The following NHSL1 variants were observed in gnomAD, a reference collection of about 807,000 sequenced individuals.
NHSL1 encodes NHS like 1.
NHSL1 carries 48 observed loss-of-function variants against 95.0 expected under a neutral mutation model. The observed-to-expected ratio is 0.51, with a 90% CI of 0.40 to 0.64. The LOEUF (loss-of-function observed/expected upper bound fraction) is 0.64. NHSL1 is among the 30% of genes least tolerant of loss of function. The pLI is 0.00. For missense variants in NHSL1, 1,971 were observed against 2,077.7 expected (o/e 0.95, Z 1.00); for synonymous variants, 783 against 833.9 (o/e 0.94, Z 1.05).
chr6:138,483,064 G>A (rs766380865), intron 2 of NHSL1, among the ~76,000 whole-genome samples: 26 of 152,316 alleles, frequency 1.7e-4, no homozygotes, highest in South Asian at 6.2e-4. Context: ...GAGCCACACC[G>A]TGAGAAAACT....
rs1784050039 is a variant in NHSL1, at chr6:138,581,191, T to C, written c.97-84820A>G. Among the ~76,000 whole-genome samples the C allele has an allele frequency of 2.6e-5, 4 of 152,236 alleles. No individual in the cohort carries two copies. In the South Asian group the frequency reaches 8.3e-4, roughly 31 times the overall value. ...GGAAACTGATGCAGTGGAGTACCAA[T>C]GGGAGTTTTGCAACCTGCTCTATCT... is the stretch of plus-strand genomic sequence containing the variant. On this transcript the variant is annotated intron_variant, in intron 1 of 3. Transcript: ENST00000491526.
chr6:138,478,236 C>T (rs1396903456), intron 2 of NHSL1, among the ~76,000 whole-genome samples: 5 of 151,744 alleles, frequency 3.3e-5, no homozygotes, highest in Non-Finnish European at 5.9e-5. Flanking sequence ...CTGCCTTGGC[C>T]TCCCAAAGTG....
chr6:138,533,301 C>A (rs905534881), intron 1 of NHSL1, among the ~76,000 whole-genome samples: 19 of 152,156 alleles, frequency 1.2e-4, no homozygotes, highest in Non-Finnish European at 2.5e-4. Context: ...TGGTGGCTCA[C>A]GCCTGTAATC....
intron 1 of NHSL1, among the ~76,000 whole-genome samples, chr6:138,645,809 A>G (rs1330697770): frequency 2.6e-5 from 4 of 152,100 alleles, no homozygotes; most frequent in Non-Finnish European, 5.9e-5. Flanking sequence ...CCTGGCCTGT[A>G]GTGTTTTTTC....
rs544648068 is a variant in NHSL1 at position 138,598,066 on chromosome 6, C to T, written c.96+94410G>A. Among the ~76,000 whole-genome samples, 5 of 150,944 alleles carry T rather than the reference C, an allele frequency of 3.3e-5. No individual in the cohort carries two copies. The East Asian group carries it at 5.8e-4, about 18-fold the overall frequency. On this transcript the variant is annotated intron_variant, in intron 1 of 3. Coordinates refer to the NHSL1 transcript ENST00000491526. ...TTATAATCCCAGCACTCTCGGAGGCCGAGGCAGGAGGATCATAGGAGCCAG... is the reference window on the plus strand; with the variant it reads ...TTATAATCCCAGCACTCTCGGAGGCTGAGGCAGGAGGATCATAGGAGCCAG...
chr6:138,633,809 T>TAAAC (rs1437580440), intron 1 of NHSL1, among the ~76,000 whole-genome samples: 1 of 152,200 alleles, frequency 6.6e-6, no homozygotes, highest in Non-Finnish European at 1.5e-5. Context: ...CTGTGGTGTG[T>TAAAC]AAACTACTCT....
At chr6:138,641,490 T>A (rs1784958626) in intron 1 of NHSL1, among the ~76,000 whole-genome samples, 2 of 151,830 alleles carry the variant, frequency 1.3e-5, no homozygotes, top group East Asian at 3.9e-4. Flanking sequence ...TCATGGAAAG[T>A]CAAACTGAAT....
intron 1 of NHSL1, among the ~76,000 whole-genome samples, chr6:138,656,419 C>T (rs1441898252): frequency 6.6e-6 from 1 of 152,138 alleles, no homozygotes; most frequent in African/African-American, 2.4e-5. Context: ...GTAAATCATG[C>T]GGCCCTCTCA....
chr6:138,556,541 T>C (rs533544835), intron 1 of NHSL1, among the ~76,000 whole-genome samples: 1 of 151,046 alleles, frequency 6.6e-6, no homozygotes, highest in African/African-American at 2.4e-5. Context: ...TATGTGCAAA[T>C]CAAAATACTC....
chr6:138,679,942 T>C (rs960564804), intron 1 of NHSL1, among the ~76,000 whole-genome samples: 10 of 152,096 alleles, frequency 6.6e-5, no homozygotes, highest in African/African-American at 2.2e-4. Context: ...TATAAATATA[T>C]TGGCCAAAAA....
intron 1 of NHSL1, among the ~76,000 whole-genome samples, chr6:138,647,387 C>T (rs1165780706): frequency 1.3e-5 from 2 of 152,100 alleles, no homozygotes; most frequent in Non-Finnish European, 2.9e-5. Flanking sequence ...AAAGCTTGCT[C>T]GGGAGTTTTG....
intron 3 of NHSL1, chr6:138,464,349 T>A: frequency 1.9e-6 from 1 of 523,408 alleles, no homozygotes; most frequent in Non-Finnish European, 3.5e-6. Flanking sequence ...CTGGAGGCCA[T>A]CTTGCAGGTG....
At chr6:138,580,899 G>T (rs1323851147) in intron 1 of NHSL1, among the ~76,000 whole-genome samples, 1 of 152,204 alleles carries the variant, frequency 6.6e-6, no homozygotes, top group South Asian at 2.1e-4. Flanking sequence ...GGCTATAAAC[G>T]CAATCACATG....
intron 2 of NHSL1, among the ~76,000 whole-genome samples, chr6:138,488,153 C>G (rs1337980653): frequency 6.6e-6 from 1 of 152,100 alleles, no homozygotes; most frequent in African/African-American, 2.4e-5. Context: ...TGGTGCACAC[C>G]TGTAGTCCCA....
At chr6:138,491,339 T>C (rs1780069820) in intron 2 of NHSL1, among the ~76,000 whole-genome samples, 1 of 152,182 alleles carries the variant, frequency 6.6e-6, no homozygotes, top group South Asian at 2.1e-4. Flanking sequence ...GATGGAGCCT[T>C]AAAAGTGACA....
chr6:138,491,100 C>G (rs1780053922), intron 2 of NHSL1, among the ~76,000 whole-genome samples: 1 of 152,304 alleles, frequency 6.6e-6, no homozygotes, highest in African/African-American at 2.4e-5. Flanking sequence ...AGATTCAACA[C>G]TCCTCCTTGC....
rs552232994 is a variant in NHSL1, at chr6:138,597,226, T to C, written c.96+95250A>G. On this transcript the variant is annotated intron_variant, in intron 1 of 3. Coordinates refer to the NHSL1 transcript ENST00000491526. ...AGAATACAAAAGCCTAATTCAGTGC[T>C]GGCATATGAAGCATCAATCCATAAA... 7.8e-4 allele frequency among the ~76,000 whole-genome samples: 119 copies of C among 152,240 alleles called. 1 individual carries two copies. The Middle Eastern group carries it at 0.024, about 30-fold the overall frequency.
intron 1 of NHSL1, among the ~76,000 whole-genome samples, chr6:138,524,148 A>C (rs573357041): frequency 3.6e-4 from 55 of 152,202 alleles, no homozygotes; most frequent in Non-Finnish European, 6.5e-4. Flanking sequence ...ACCTCTGAAG[A>C]ATGAGCACTT....
chr6:138,526,280 C>T (rs1472332251), intron 1 of NHSL1, among the ~76,000 whole-genome samples: 4 of 152,090 alleles, frequency 2.6e-5, no homozygotes, highest in Admixed American at 6.6e-5. Context: ...CTTAGGAGTT[C>T]GGAGCCAGCC....
Sources: gnomAD v4.1 joint callset for allele counts (sites outside exome capture counted in the v4.1 genomes callset) on GRCh38, gnomAD v4.1.1 for gene constraint, MANE v1.5 for transcripts, NCBI Gene and HGNC (gene_info 2026-07-23, HGNC 2026-07-21) for gene names.